The following PLEKHO2 variants were observed in gnomAD, a reference collection of about 807,000 sequenced individuals.
PLEKHO2 encodes the protein pleckstrin homology domain containing O2.
A neutral mutation model predicts 32.7 loss-of-function variants in PLEKHO2; 20 were observed. The observed-to-expected ratio is 0.61, with a 90% confidence interval of 0.43 to 0.89. The LOEUF (loss-of-function observed/expected upper bound fraction) is 0.89, where lower values mean the gene tolerates loss of function less well. Ranked by LOEUF, PLEKHO2 falls within the 40% of genes least tolerant of loss-of-function variation. The probability of loss-of-function intolerance (pLI) is 0.00; values close to 1 mark genes in which losing one functional copy is unlikely to be tolerated. For missense variants in PLEKHO2, 568 were observed against 621.2 expected (o/e 0.91, Z 0.91); for synonymous variants, 247 against 246.3 (o/e 1.00, Z -0.03).
Position 64,865,341 on chromosome 15 carries a change from C to A in PLEKHO2, c.926C>A (p.Pro309His). 1 of 1,613,768 alleles carries A rather than the reference C, an allele frequency of 6.2e-7. No individual in the cohort carries two copies. Among genetic ancestry groups the A allele is most frequent in the Non-Finnish European group, 8.5e-7 (1 of 1,179,806 alleles). Residue 309 changes from proline (P) to histidine (H), a missense_variant, in exon 6 of 6, where the codon CCC becomes CAC. Transcript: ENST00000323544. Reference protein sequence around the residue: ...SEAAPREGGKPPTPPPKILSE... With the variant: ...SEAAPREGGKHPTPPPKILSE... ...GCTGCCCCCAGGGAGGGTGGGAAGC[C>A]CCCTACACCCCCACCCAAGATCTTA...
Position 64,864,816 on chromosome 15 carries a change from G to A in PLEKHO2, c.484-83G>A, listed in dbSNP as rs7173924. 26,873 of 1,460,258 alleles carry A rather than the reference G, an allele frequency of 0.018. 4,155 individuals carry two copies. The African/African-American group carries it at 0.34, about 18-fold the overall frequency. The allele number at this position is 1,460,258 out of a possible 1,614,324, so 90.5% of individuals were successfully genotyped here. On this transcript the variant is annotated intron_variant, in intron 5 of 5. Coordinates refer to ENST00000323544, the MANE Select transcript of PLEKHO2 (RefSeq NM_025201.5). ...GGGCCTGGACAACCTGGATGGGAGA[G>A]GGTAAGAACTCGTGTCAGTGGGCAC...
intron 4 of PLEKHO2, among the ~76,000 whole-genome samples, chr15:64,860,432 C>T (rs949861568): frequency 2.6e-5 from 4 of 152,198 alleles, no homozygotes; most frequent in African/African-American, 9.7e-5. Context: ...CTGCAATGAC[C>T]ATTCAGCCCT....
chr15:64,857,907 C>T (rs75475491), intron 3 of PLEKHO2, among the ~76,000 whole-genome samples: 1 of 152,326 alleles, frequency 6.6e-6, no homozygotes, highest in African/African-American at 2.4e-5. Context: ...CTCTGGCCTC[C>T]TCTTGTTCCA....
intron 5 of PLEKHO2, among the ~76,000 whole-genome samples, chr15:64,862,383 T>G (rs2084647419): frequency 6.6e-6 from 1 of 151,122 alleles, no homozygotes; most frequent in Admixed American, 6.6e-5. Context: ...CCTGGGCTTG[T>G]GATTGAGTCA....
At chr15:64,847,119 A>T (rs2084528087) in intron 1 of PLEKHO2, among the ~76,000 whole-genome samples, 1 of 152,120 alleles carries the variant, frequency 6.6e-6, no homozygotes, top group Non-Finnish European at 1.5e-5. Context: ...CAGATTCCCC[A>T]CCACTAGAAT....
In PLEKHO2 at chr15:64,854,953, G is replaced by A. The variant is rs138516314; in HGVS notation, c.195G>A (p.Leu65=). 1 of 1,612,550 alleles carries A rather than the reference G, an allele frequency of 6.2e-7. No homozygotes were observed. The highest frequency in any genetic ancestry group is 8.5e-7 in the Non-Finnish European group (1 of 1,179,462). Residue 65 remains leucine, a synonymous_variant, in exon 3 of 6, where the codon CTG becomes CTA. Coordinates refer to ENST00000323544, the MANE Select transcript of PLEKHO2 (RefSeq NM_025201.5). ...AGAAGTGTGTGGAGACTGTGGAGCT[G>A]GGCAGCTATGAGAAGTGCCAGGACC... ...DDQKCVETVE[L]GSYEKCQDLR...
rs971037445 is a variant in PLEKHO2 at position 64,861,376 on chromosome 15, G to A, written c.385-101G>A. The A allele has an allele frequency of 1.1e-5, 9 of 783,612 alleles. No individual in the cohort carries two copies. The African/African-American group carries it at 1.2e-4, about 11-fold the overall frequency. The allele number at this position is 783,612 out of a possible 1,614,324, so 48.5% of individuals were successfully genotyped here. A position where few individuals can be genotyped will look rare whatever the true frequency, so the allele number is the denominator to read the frequency against. ...GGCAGGGAGATTCCCAGAGAGGGCAGCGGTGGGGCACTGACCCTGGCTCTG... is the reference window on the plus strand; with the variant it reads ...GGCAGGGAGATTCCCAGAGAGGGCAACGGTGGGGCACTGACCCTGGCTCTG... On this transcript the variant is annotated intron_variant, in intron 4 of 5. Transcript: ENST00000323544.
At chr15:64,846,924 T>G (rs2140338370) in intron 1 of PLEKHO2, among the ~76,000 whole-genome samples, 1 of 152,334 alleles carries the variant, frequency 6.6e-6, no homozygotes, top group East Asian at 1.9e-4. Context: ...ATTGAACACT[T>G]ACTATGTGCC....
chr15:64,856,947 T>TC (rs2084610082), intron 3 of PLEKHO2, among the ~76,000 whole-genome samples: 4 of 144,262 alleles, frequency 2.8e-5, no homozygotes, highest in East Asian at 4.5e-4. Flanking sequence ...GCCGCCTTTT[T>TC]TCCCCTCTAA....
chr15:64,863,994 C>T (rs1379839811), intron 5 of PLEKHO2, among the ~76,000 whole-genome samples: 4 of 152,088 alleles, frequency 2.6e-5, no homozygotes, highest in African/African-American at 9.7e-5. Context: ...CAGCCTGCCT[C>T]GGCCTCCCAA....
At position 64,865,463 on chromosome 15, in the gene PLEKHO2, C is replaced by T. The variant is rs756238120; in HGVS notation, c.1048C>T (p.Pro350Ser). The change falls in exon 6 of 6, where the codon CCT becomes TCT. Residue 350 changes from proline to serine, a missense_variant. By Grantham distance (74) the Pro-to-Ser change is moderately conservative. Transcript: ENST00000323544. The stretch of plus-strand genomic sequence containing the variant: ...CTCAGTGAATGGCATGGATGACAGT[C>T]CTGAGCCTGCCAAGCCCTCTCAGGC... ...QVSVNGMDDS[P>S]EPAKPSQAEG... 6.2e-7 allele frequency: 1 copy of T among 1,614,068 alleles called. No homozygotes were observed. Among genetic ancestry groups the T allele is most frequent in the Non-Finnish European group, 8.5e-7 (1 of 1,180,018 alleles).
chr15:64,860,929 C>G (rs556646999), intron 4 of PLEKHO2, among the ~76,000 whole-genome samples: 1 of 152,342 alleles, frequency 6.6e-6, no homozygotes, highest in South Asian at 2.1e-4. Context: ...CCAGGCTGCT[C>G]CAGGGTTCTG....
intron 1 of PLEKHO2, among the ~76,000 whole-genome samples, chr15:64,842,842 C>T (rs2084495280): frequency 6.6e-6 from 1 of 152,156 alleles, no homozygotes; most frequent in Non-Finnish European, 1.5e-5. Flanking sequence ...TGCCAGCAGC[C>T]GCTTTATCCG....
intron 4 of PLEKHO2, among the ~76,000 whole-genome samples, chr15:64,861,113 C>T (rs371087353): frequency 7.2e-5 from 11 of 152,236 alleles, no homozygotes; most frequent in African/African-American, 2.7e-4. Context: ...GAGGCCAGGG[C>T]AGACCTTTTC....
At chr15:64,864,781 G>A (rs2084668985) in intron 5 of PLEKHO2, 118 bp from the exon 6 acceptor site, 2 of 1,070,608 alleles carry the variant, frequency 1.9e-6, no homozygotes, top group Admixed American at 2.4e-5. Flanking sequence ...GAGGGAGGCT[G>A]GGGAGCTGGG....
intron 2 of PLEKHO2, among the ~76,000 whole-genome samples, chr15:64,849,176 C>T (rs2084546830): frequency 6.6e-6 from 1 of 151,580 alleles, no homozygotes; most frequent in Non-Finnish European, 1.5e-5. Context: ...GAGTCTCGCT[C>T]TGTAGCCCAG....
At chr15:64,860,117 G>T in intron 4 of PLEKHO2, 119 bp downstream of exon 4, 1 of 818,656 alleles carries the variant, frequency 1.2e-6, no homozygotes, top group South Asian at 1.6e-5. Context: ...CACTGCTATG[G>T]GGCATTGTTG....
At chr15:64,853,138 C>CA (rs1249752863) in intron 2 of PLEKHO2, among the ~76,000 whole-genome samples, 3 of 149,860 alleles carry the variant, frequency 2.0e-5, no homozygotes, top group Middle Eastern at 3.2e-3. Flanking sequence ...GACTCTGTCT[C>CA]AAAAAAACAA....
chr15:64,862,495 G>A (rs2084648719), intron 5 of PLEKHO2, among the ~76,000 whole-genome samples: 1 of 152,082 alleles, frequency 6.6e-6, no homozygotes, highest in Non-Finnish European at 1.5e-5. Context: ...ATGGGCAATG[G>A]GGAGGGGGGA....
Sources: gnomAD v4.1 joint callset for allele counts (sites outside exome capture counted in the v4.1 genomes callset) on GRCh38, gnomAD v4.1.1 for gene constraint, MANE v1.5 for transcripts, NCBI Gene and HGNC (gene_info 2026-07-23, HGNC 2026-07-21) for gene names.